HECW2: variants seen among roughly 807,000 people sequenced by gnomAD.
HECW2 encodes E3 ubiquitin-protein ligase HECW2.
Under a neutral mutation model 175.2 loss-of-function variants are expected in HECW2, and 61 were observed. That is an observed-to-expected ratio of 0.35 (90% CI 0.28 to 0.43). The LOEUF (loss-of-function observed/expected upper bound fraction) is 0.43, where lower values mean the gene tolerates loss of function less well. Among genes scored for constraint, HECW2 ranks in the 20% least tolerant of loss-of-function variants. The pLI is 1.00. For missense variants in HECW2, 1,524 were observed against 2,000.5 expected (o/e 0.76, Z 4.54); for synonymous variants, 671 against 731.0 (o/e 0.92, Z 1.32).
At chr2:196,271,548 A>G (rs1248163909) in intron 16 of HECW2, among the ~76,000 whole-genome samples, 4 of 152,014 alleles carry the variant, frequency 2.6e-5, no homozygotes, top group Admixed American at 6.6e-5. Flanking sequence ...TTGGCCTCCC[A>G]AAGTGCTAGG....
chr2:196,359,877 A>G (rs1474059002), intron 2 of HECW2, among the ~76,000 whole-genome samples: 1 of 152,184 alleles, frequency 6.6e-6, no homozygotes, highest in Non-Finnish European at 1.5e-5. Flanking sequence ...CCAAGATAGG[A>G]GGATTGCTTG....
At chr2:196,451,371 T>C (rs1696340888) in intron 1 of HECW2, among the ~76,000 whole-genome samples, 1 of 147,452 alleles carries the variant, frequency 6.8e-6, no homozygotes, top group African/African-American at 2.5e-5. Context: ...AAGCGGAGGT[T>C]GCAGTGAGCT....
chr2:196,397,012 C>G (rs1694686506), intron 2 of HECW2, among the ~76,000 whole-genome samples: 1 of 152,088 alleles, frequency 6.6e-6, no homozygotes, highest in Non-Finnish European at 1.5e-5. Flanking sequence ...ACTCGGGAAG[C>G]TGAGGCAGGA....
At chr2:196,310,154 C>A (rs188046561) in intron 10 of HECW2, among the ~76,000 whole-genome samples, 28 of 152,282 alleles carry the variant, frequency 1.8e-4, no homozygotes, top group African/African-American at 5.8e-4. Context: ...TTGTATTCAT[C>A]TTCTACAAAG....
At chr2:196,452,142 G>C (rs982518066) in intron 1 of HECW2, among the ~76,000 whole-genome samples, 1 of 152,010 alleles carries the variant, frequency 6.6e-6, no homozygotes, top group African/African-American at 2.4e-5. Flanking sequence ...AGCTACATGT[G>C]GCTATTGATC....
At chr2:196,281,876 G>A (rs982392426) in intron 14 of HECW2, among the ~76,000 whole-genome samples, 1 of 152,036 alleles carries the variant, frequency 6.6e-6, no homozygotes, top group Non-Finnish European at 1.5e-5. Context: ...CTACTCACTA[G>A]CAATGTCACC....
At chr2:196,245,527 T>C (rs1400901117) in intron 19 of HECW2, among the ~76,000 whole-genome samples, 1 of 152,106 alleles carries the variant, frequency 6.6e-6, no homozygotes, top group Non-Finnish European at 1.5e-5. Context: ...AGGGCTGGAA[T>C]TGGGGTGAGA....
chr2:196,523,534 G>C (rs1343792671), intron 1 of HECW2, among the ~76,000 whole-genome samples: 4 of 149,268 alleles, frequency 2.7e-5, no homozygotes, highest in African/African-American at 7.4e-5. Context: ...TGGTGAGAGA[G>C]GGCATCCCTG....
intron 1 of HECW2, among the ~76,000 whole-genome samples, chr2:196,451,894 G>C (rs145320660): frequency 2.6e-5 from 4 of 152,266 alleles, no homozygotes; most frequent in Non-Finnish European, 5.9e-5. Context: ...GCAAGACATC[G>C]TCTCAATAAG....
At chr2:196,245,505 A>G (rs1447955086) in intron 19 of HECW2, among the ~76,000 whole-genome samples, 1 of 152,168 alleles carries the variant, frequency 6.6e-6, no homozygotes, top group African/African-American at 2.4e-5. Context: ...TGCCCTAGAG[A>G]CTGAAAAATA....
intron 13 of HECW2, among the ~76,000 whole-genome samples, chr2:196,294,739 T>C (rs1690742452): frequency 6.6e-6 from 1 of 152,200 alleles, no homozygotes; most frequent in Non-Finnish European, 1.5e-5. Flanking sequence ...AAAGCATTTA[T>C]TGCTGATGTG....
intron 21 of HECW2, among the ~76,000 whole-genome samples, chr2:196,235,952 C>T (rs544234861): frequency 3.9e-5 from 6 of 152,114 alleles, no homozygotes; most frequent in East Asian, 1.9e-4. Context: ...CCACTGTGCC[C>T]GGCCGATGCG....
chr2:196,296,156 G>T (rs142100781), intron 13 of HECW2, among the ~76,000 whole-genome samples: 25 of 152,200 alleles, frequency 1.6e-4, no homozygotes, highest in African/African-American at 5.8e-4. Context: ...GTTTATGTGT[G>T]TGTATATATA....
At chr2:196,490,911 T>C (rs1400876070) in intron 1 of HECW2, among the ~76,000 whole-genome samples, 1 of 152,136 alleles carries the variant, frequency 6.6e-6, no homozygotes, top group Admixed American at 6.6e-5. Flanking sequence ...AAAGCAAATC[T>C]AGAAAGACAG....
At chr2:196,210,005 T>C (rs748949880) in intron 28 of HECW2, among the ~76,000 whole-genome samples, 76 of 152,234 alleles carry the variant, frequency 5.0e-4, no homozygotes, top group Non-Finnish European at 7.4e-4. Flanking sequence ...CCTCGTGATC[T>C]GCCCACCTTG....
intron 1 of HECW2, among the ~76,000 whole-genome samples, chr2:196,469,999 A>T (rs986018323): frequency 1.3e-5 from 2 of 152,104 alleles, no homozygotes; most frequent in Non-Finnish European, 2.9e-5. Context: ...AACTTTCTTT[A>T]AAAAAATTTC....
At chr2:196,282,546 G>A (rs1690226531) in intron 14 of HECW2, among the ~76,000 whole-genome samples, 1 of 152,286 alleles carries the variant, frequency 6.6e-6, no homozygotes, top group African/African-American at 2.4e-5. Flanking sequence ...ACAACTGGAA[G>A]CAGGGGTGGG....
intron 28 of HECW2, among the ~76,000 whole-genome samples, chr2:196,202,894 C>A (rs1264210043): frequency 6.6e-6 from 1 of 152,104 alleles, no homozygotes; most frequent in Non-Finnish European, 1.5e-5. Context: ...GGGAATGGGA[C>A]CCAAGTCTAA....
chr2:196,552,020 T>C (rs1007658127), intron 1 of HECW2, among the ~76,000 whole-genome samples: 1 of 152,192 alleles, frequency 6.6e-6, no homozygotes, highest in Non-Finnish European at 1.5e-5. Context: ...TCTCTACTTA[T>C]CTGGGTTAAT....
Sources: allele counts gnomAD v4.1 joint callset (sites outside exome capture counted in the v4.1 genomes callset), GRCh38; gene constraint gnomAD v4.1.1; transcripts MANE v1.5; gene names NCBI Gene and HGNC (gene_info 2026-07-23, HGNC 2026-07-21).